Variants in INVS observed in about 807,000 individuals in gnomAD.
INVS encodes inversion of embryo turning homolog.
A neutral mutation model predicts 108.8 loss-of-function variants in INVS; 86 were observed. The ratio of observed to expected loss-of-function variants is 0.79; its 90% confidence interval spans 0.66 to 0.95. The LOEUF (loss-of-function observed/expected upper bound fraction) is 0.95, where lower values mean the gene tolerates loss of function less well. Among genes scored for constraint, INVS ranks in the 40% least tolerant of loss-of-function variants. The pLI, the probability that INVS is intolerant of heterozygous loss-of-function variation, is 0.00. For missense variants in INVS, 1,169 were observed against 1,297.4 expected (o/e 0.90, Z 1.52); for synonymous variants, 455 against 473.5 (o/e 0.96, Z 0.51).
chr9:100,227,842 G>A (rs1485360725), intron 4 of INVS, among the ~76,000 whole-genome samples: 3 of 152,072 alleles, frequency 2.0e-5, no homozygotes, highest in Admixed American at 6.5e-5. Context: ...CTTTGTTATC[G>A]ATCTTTGTAG....
chr9:100,198,663 G>A (rs1051281384), intron 3 of INVS, among the ~76,000 whole-genome samples: 4 of 151,368 alleles, frequency 2.6e-5, no homozygotes, highest in African/African-American at 9.7e-5. Flanking sequence ...CATGATCTCG[G>A]CTCACTGCAA....
At position 100,245,404 on chromosome 9, in the gene INVS, C is replaced by T. The variant is rs559486488; in HGVS notation, c.907-1212C>T. Among the ~76,000 whole-genome samples, 214 of 152,198 alleles carry T rather than the reference C, an allele frequency of 1.4e-3. 1 individual carries two copies. Among genetic ancestry groups the T allele is most frequent in the Non-Finnish European group, 2.8e-3 (191 of 68,004 alleles). ...AATCAATTCCCCTGCCTCAACCTCC[C>T]GAGTAGCTGGGACTACAGGCATGTG... On this transcript the variant is annotated intron_variant, in intron 7 of 16. Coordinates refer to ENST00000262457, the MANE Select transcript of INVS (RefSeq NM_014425.5).
In INVS at chr9:100,240,756, A is replaced by G. The variant is rs186678775; in HGVS notation, c.796+516A>G. On this transcript the variant is annotated intron_variant, in intron 6 of 16. Coordinates refer to ENST00000262457, the MANE Select transcript of INVS (RefSeq NM_014425.5). ...TTCAATGAAGGAGTTTTACCCATTAATAGTCATTGTTATAAGATAAATAAT... is the reference window on the plus strand; with the variant it reads ...TTCAATGAAGGAGTTTTACCCATTAGTAGTCATTGTTATAAGATAAATAAT... Among the ~76,000 whole-genome samples the G allele has an allele frequency of 8.5e-5, 13 of 152,198 alleles. 1 individual carries two copies. The highest frequency in any genetic ancestry group is 2.6e-4 in the Admixed American group (4 of 15,280).
chr9:100,127,897 A>G (rs1437118638), intron 3 of INVS, among the ~76,000 whole-genome samples: 1 of 152,192 alleles, frequency 6.6e-6, no homozygotes, highest in East Asian at 1.9e-4. Flanking sequence ...CACTCGAGAA[A>G]GGTAACTCCA....
intron 13 of INVS, among the ~76,000 whole-genome samples, chr9:100,286,907 T>C (rs1833462429): frequency 6.6e-6 from 1 of 152,246 alleles, no homozygotes; most frequent in Admixed American, 6.5e-5. Flanking sequence ...TTTACTGTTA[T>C]TACTGGTTTA....
intron 12 of INVS, 47 bp from the exon 13 acceptor site, chr9:100,284,273 T>A: frequency 6.2e-7 from 1 of 1,608,862 alleles, no homozygotes; most frequent in East Asian, 2.2e-5. Flanking sequence ...CTTGAGGAGG[T>A]GATACTCTTT....
At chr9:100,138,439 T>C (rs1327286062) in intron 3 of INVS, among the ~76,000 whole-genome samples, 2 of 152,020 alleles carry the variant, frequency 1.3e-5, no homozygotes, top group Non-Finnish European at 2.9e-5. Context: ...TATATCCTTA[T>C]ACATTTAACC....
intron 3 of INVS, among the ~76,000 whole-genome samples, chr9:100,166,812 G>C (rs1046794885): frequency 6.6e-6 from 1 of 152,092 alleles, no homozygotes; most frequent in Non-Finnish European, 1.5e-5. Flanking sequence ...ACCTTGCTTG[G>C]ATAATTATAA....
chr9:100,167,434 C>T (rs1254806223), intron 3 of INVS, among the ~76,000 whole-genome samples: 1 of 152,014 alleles, frequency 6.6e-6, no homozygotes, highest in Non-Finnish European at 1.5e-5. Context: ...TGCATTTGTT[C>T]TTCCCTCTCC....
chr9:100,183,371 C>T (rs922066430), intron 3 of INVS, among the ~76,000 whole-genome samples: 1 of 152,138 alleles, frequency 6.6e-6, no homozygotes, highest in Non-Finnish European at 1.5e-5. Flanking sequence ...GTAAAATAAT[C>T]GCTTTAAAAT....
At chr9:100,225,128 G>A (rs909665395) in intron 3 of INVS, among the ~76,000 whole-genome samples, 2 of 150,976 alleles carry the variant, frequency 1.3e-5, no homozygotes, top group African/African-American at 4.9e-5. Flanking sequence ...CACGATCTCG[G>A]CTCACTGCAA....
At chr9:100,255,366 A>T (rs1440717566) in intron 10 of INVS, among the ~76,000 whole-genome samples, 32 of 152,192 alleles carry the variant, frequency 2.1e-4, no homozygotes, top group Non-Finnish European at 1.5e-5. Flanking sequence ...GCAAACAGGG[A>T]CAATTTGACT....
chr9:100,232,666 A>T (rs1831549734), intron 5 of INVS, among the ~76,000 whole-genome samples: 1 of 152,018 alleles, frequency 6.6e-6, no homozygotes, highest in East Asian at 1.9e-4. Flanking sequence ...ATGATTGTAG[A>T]TGTGTGACAT....
intron 3 of INVS, among the ~76,000 whole-genome samples, chr9:100,163,282 C>CG (rs1405525254): frequency 6.7e-6 from 1 of 149,354 alleles, no homozygotes; most frequent in Non-Finnish European, 1.5e-5. Flanking sequence ...CAGTAACAAA[C>CG]GCGGGCACCA....
chr9:100,207,701 G>T (rs1358104218), intron 3 of INVS, among the ~76,000 whole-genome samples: 1 of 152,140 alleles, frequency 6.6e-6, no homozygotes, highest in Admixed American at 6.5e-5. Context: ...AACTAAAAAG[G>T]ATTAGAAGAG....
chr9:100,277,052 T>C (rs946795857), intron 12 of INVS, among the ~76,000 whole-genome samples: 4 of 152,208 alleles, frequency 2.6e-5, no homozygotes, highest in Admixed American at 6.5e-5. Context: ...CAAACTCTTG[T>C]GATGCTTAAG....
intron 3 of INVS, among the ~76,000 whole-genome samples, chr9:100,204,319 C>G (rs967658210): frequency 2.0e-5 from 3 of 152,096 alleles, no homozygotes; most frequent in Non-Finnish European, 4.4e-5. Context: ...GCTATTTAAG[C>G]TGATGATAAA....
intron 11 of INVS, among the ~76,000 whole-genome samples, chr9:100,267,519 T>C (rs2118642531): frequency 6.6e-6 from 1 of 152,358 alleles, no homozygotes; most frequent in East Asian, 1.9e-4. Flanking sequence ...GTTTCTTGGT[T>C]GGTTACCATC....
At chr9:100,288,086 T>C (rs566623069) in intron 13 of INVS, among the ~76,000 whole-genome samples, 2 of 152,300 alleles carry the variant, frequency 1.3e-5, no homozygotes, top group South Asian at 2.1e-4. Context: ...CATTAGTCCG[T>C]AGCAATTCTG....
Sources: allele counts gnomAD v4.1 joint callset (sites outside exome capture counted in the v4.1 genomes callset), GRCh38; gene constraint gnomAD v4.1.1; transcripts MANE v1.5; gene names NCBI Gene and HGNC (gene_info 2026-07-23, HGNC 2026-07-21).